REDIC1: variants seen among roughly 807,000 people sequenced by gnomAD.
REDIC1 encodes regulator of DNA class I crossover intermediates 1.
chr12:39,823,626 A>T, the REDIC1 span, among the ~76,000 whole-genome samples: 1 of 151,954 alleles, frequency 6.6e-6, no homozygotes, highest in East Asian at 1.9e-4. Context: ...TGATATTATT[A>T]TTATTATAGA....
chr12:39,703,967 A>T, the REDIC1 span, among the ~76,000 whole-genome samples: 160 of 152,364 alleles, frequency 1.1e-3, no homozygotes, highest in African/African-American at 3.5e-3. Context: ...TAAAACCATA[A>T]AAACCCTAGA....
chr12:39,642,248 G>C, the REDIC1 span, among the ~76,000 whole-genome samples: 2 of 151,636 alleles, frequency 1.3e-5, no homozygotes, highest in Non-Finnish European at 3.0e-5. Flanking sequence ...TATGATGGCT[G>C]GATAATATGG....
chr12:39,762,920 T>C, the REDIC1 span, among the ~76,000 whole-genome samples: 3 of 7,188 alleles, frequency 4.2e-4, no homozygotes, highest in African/African-American at 2.0e-3. Context: ...TGTTGCCTCA[T>C]TTTTCTCTGG....
the REDIC1 span, among the ~76,000 whole-genome samples, chr12:39,656,381 T>C: frequency 6.6e-6 from 1 of 152,206 alleles, no homozygotes; most frequent in Admixed American, 6.5e-5. Flanking sequence ...GTAGCTATTG[T>C]AATATAGTAG....
At chr12:39,752,477 C>A in the REDIC1 span, among the ~76,000 whole-genome samples, 1 of 152,002 alleles carries the variant, frequency 6.6e-6, no homozygotes, top group Non-Finnish European at 1.5e-5. Context: ...GTCCCTTGTG[C>A]CAAAAAGTTT....
At chr12:39,712,866 C>A in the REDIC1 span, among the ~76,000 whole-genome samples, 5 of 14,014 alleles carry the variant, frequency 3.6e-4, no homozygotes, top group Admixed American at 1.1e-3. Context: ...TGTATATACA[C>A]GTATATACAC....
At chr12:39,868,296 C>T in the REDIC1 span, among the ~76,000 whole-genome samples, 2 of 152,160 alleles carry the variant, frequency 1.3e-5, no homozygotes, top group African/African-American at 4.8e-5. Flanking sequence ...TAAAAATATT[C>T]TCCACAGGAA....
chr12:39,732,651 G>A, the REDIC1 span, among the ~76,000 whole-genome samples: 3 of 152,166 alleles, frequency 2.0e-5, no homozygotes, highest in Non-Finnish European at 4.4e-5. Flanking sequence ...AGTCTTTTAT[G>A]TACTCAGTTT....
the REDIC1 span, among the ~76,000 whole-genome samples, chr12:39,840,492 C>T: frequency 6.6e-6 from 1 of 151,972 alleles, no homozygotes; most frequent in South Asian, 2.1e-4. Flanking sequence ...CTCTACTTGC[C>T]ATTTCTCCAT....
At chr12:39,677,678 C>A in the REDIC1 span, among the ~76,000 whole-genome samples, 3 of 152,150 alleles carry the variant, frequency 2.0e-5, no homozygotes, top group East Asian at 3.9e-4. Context: ...CCAAGATAGA[C>A]CATATGATAG....
chr12:39,701,794 A>G, the REDIC1 span, among the ~76,000 whole-genome samples: 111,601 of 151,578 alleles, frequency 0.74, 42,487 homozygotes, highest in Non-Finnish European at 0.84. Flanking sequence ...CTCACTCAAA[A>G]CCGCTCAACT....
the REDIC1 span, among the ~76,000 whole-genome samples, chr12:39,708,184 C>G: frequency 6.6e-6 from 1 of 151,444 alleles, no homozygotes; most frequent in Non-Finnish European, 1.5e-5. Context: ...ATTTGTAACC[C>G]AAAGAATCAG....
chr12:39,856,079 T>C, the REDIC1 span, among the ~76,000 whole-genome samples: 2 of 152,204 alleles, frequency 1.3e-5, no homozygotes, highest in African/African-American at 4.8e-5. Context: ...AAGGCTTGGA[T>C]GCTTCCTAAA....
At chr12:39,871,615 G>A in the REDIC1 span, among the ~76,000 whole-genome samples, 42 of 151,912 alleles carry the variant, frequency 2.8e-4, no homozygotes, top group East Asian at 9.6e-4. Flanking sequence ...TTCTAGTCAC[G>A]TAGCGTAACA....
At chr12:39,730,971 C>T in the REDIC1 span, among the ~76,000 whole-genome samples, 16 of 151,766 alleles carry the variant, frequency 1.1e-4, no homozygotes, top group Non-Finnish European at 1.9e-4. Flanking sequence ...GTATGCTTCA[C>T]GAAGTTCTTG....
the REDIC1 span, among the ~76,000 whole-genome samples, chr12:39,698,022 C>T: frequency 6.6e-6 from 1 of 152,008 alleles, no homozygotes; most frequent in African/African-American, 2.4e-5. Flanking sequence ...CACATTTCAC[C>T]TATAAAGACA....
chr12:39,887,194 T>C, the REDIC1 span, among the ~76,000 whole-genome samples: 1 of 152,258 alleles, frequency 6.6e-6, no homozygotes, highest in Non-Finnish European at 1.5e-5. Context: ...TAAAGTCTTT[T>C]GTCTAGTTTA....
chr12:39,803,661 C>A, the REDIC1 span, among the ~76,000 whole-genome samples: 2 of 151,952 alleles, frequency 1.3e-5, no homozygotes, highest in African/African-American at 4.8e-5. Flanking sequence ...AAGCAGTGAA[C>A]TGGATGAATG....
chr12:39,663,091 T>C, the REDIC1 span, among the ~76,000 whole-genome samples: 1 of 152,114 alleles, frequency 6.6e-6, no homozygotes, highest in Non-Finnish European at 1.5e-5. Flanking sequence ...TTTCTTTTTG[T>C]TGTATCCTTG....
Sources: allele counts gnomAD v4.1 joint callset (sites outside exome capture counted in the v4.1 genomes callset), GRCh38; gene constraint gnomAD v4.1.1; transcripts MANE v1.5; gene names NCBI Gene and HGNC (gene_info 2026-07-23, HGNC 2026-07-21).